The following LRP5 variants were observed in gnomAD, a reference collection of about 807,000 sequenced individuals.
LRP5 encodes the protein LDL receptor related protein 5.
In LRP5, 62 loss-of-function variants were observed where a neutral mutation model predicts 154.1. That is an observed-to-expected ratio of 0.40 (90% CI 0.33 to 0.50). The LOEUF is 0.50. Ranked by LOEUF, LRP5 falls within the 20% of genes least tolerant of loss-of-function variation. LRP5 has a pLI of 0.55. For synonymous variants in LRP5, 966 were observed against 1,011.5 expected, an observed-to-expected ratio of 0.96 and a Z score of 0.85; for missense variants, 1,915 against 2,336.7, an observed-to-expected ratio of 0.82 and a Z score of 3.72.
intron 5 of LRP5, among the ~76,000 whole-genome samples, chr11:68,380,983 G>A (rs2098639941): frequency 6.6e-6 from 1 of 152,222 alleles, no homozygotes; most frequent in South Asian, 2.1e-4. Context: ...CAGGGTCTTG[G>A]CAGATGTAAT....
chr11:68,447,588 T>G lies in LRP5; in HGVS notation c.4586+1055T>G, dbSNP rs577259093. On this transcript the variant is annotated intron_variant, in intron 22 of 22. Coordinates refer to ENST00000294304, the MANE Select transcript of LRP5 (RefSeq NM_002335.4). This position sits in a 1 kb window ranked among gnomAD's most constrained non-coding sequence, Gnocchi z 4.3. ...TCCACACTGGGCAGCCCAGTCTCGC[T>G]AGTTCCTCGTCCCACCTCCTGCCTT... 3.3e-5 allele frequency among the ~76,000 whole-genome samples: 5 copies of G among 152,312 alleles called. No homozygotes were observed. In the South Asian group the frequency reaches 1.0e-3, roughly 32 times the overall value.
At chr11:68,359,573 G>GGCA (rs2098625976) in intron 3 of LRP5, among the ~76,000 whole-genome samples, 3 of 152,136 alleles carry the variant, frequency 2.0e-5, no homozygotes, top group South Asian at 2.1e-4. Flanking sequence ...TGGCGGTGGC[G>GGCA]GCAGCGAATC....
chr11:68,394,421 G>A (rs938700156), intron 7 of LRP5, among the ~76,000 whole-genome samples: 1 of 152,038 alleles, frequency 6.6e-6, no homozygotes, highest in Non-Finnish European at 1.5e-5. Flanking sequence ...TACACTTGCT[G>A]GGGCCTTCGT....
rs2153173261 is a variant in LRP5 at position 68,423,858 on chromosome 11, C to A, written c.3236+161C>A. Among the ~76,000 whole-genome samples the A allele has an allele frequency of 6.6e-6, 1 of 152,346 alleles. No individual in the cohort carries two copies. Among genetic ancestry groups the A allele is most frequent in the East Asian group, 1.9e-4 (1 of 5,186 alleles). ...AAAGCAAACACAGGCTCTTTCACAG[C>A]CCCTCCAGGAAAGCAGAAAGCCCCA... On this transcript the variant is annotated intron_variant, in intron 14 of 22. Transcript: ENST00000294304. This position sits in a 1 kb window ranked among gnomAD's most constrained non-coding sequence, Gnocchi z 4.7.
intron 1 of LRP5, among the ~76,000 whole-genome samples, chr11:68,324,779 C>T (rs749739873): frequency 8.5e-5 from 13 of 152,308 alleles, no homozygotes; most frequent in South Asian, 2.1e-4. Context: ...TTCCCAGTGT[C>T]GAAGGCCTTC....
chr11:68,381,329 C>T (rs560575340), intron 5 of LRP5, among the ~76,000 whole-genome samples: 135 of 152,288 alleles, frequency 8.9e-4, no homozygotes, highest in Admixed American at 2.5e-3. Flanking sequence ...CGATGTGTCA[C>T]GGGAGCCCTC....
chr11:68,439,146 G>T (rs1225656995), intron 20 of LRP5, among the ~76,000 whole-genome samples: 1 of 152,190 alleles, frequency 6.6e-6, no homozygotes, highest in African/African-American at 2.4e-5. Context: ...GTTTGTAGAT[G>T]GCTGGGCAGC....
chr11:68,403,886 G>A (rs2098654095), intron 8 of LRP5, 187 bp downstream of exon 8: 1 of 642,488 alleles, frequency 1.6e-6, no homozygotes, highest in Non-Finnish European at 2.7e-6. Flanking sequence ...ATTAGGGAGT[G>A]GTTATGGACT....
At chr11:68,360,037 C>T (rs543095063) in intron 3 of LRP5, among the ~76,000 whole-genome samples, 1 of 152,236 alleles carries the variant, frequency 6.6e-6, no homozygotes, top group East Asian at 1.9e-4. Flanking sequence ...GATCCACCCA[C>T]CTGAGCCTCT....
intron 20 of LRP5, among the ~76,000 whole-genome samples, chr11:68,439,564 G>A (rs1407265194): frequency 6.6e-6 from 1 of 152,168 alleles, no homozygotes; most frequent in African/African-American, 2.4e-5. Context: ...GAGGTACCAT[G>A]TGTCTCCCGT....
chr11:68,364,095 T>G, intron 4 of LRP5, 152 bp downstream of exon 4: 1 of 607,148 alleles, frequency 1.6e-6, no homozygotes, highest in Non-Finnish European at 2.7e-6. Context: ...AAGCCCATGC[T>G]CTGGGGGGCC....
rs555868714 is a variant in LRP5, at chr11:68,404,704, C to T, written c.1801+1005C>T. Among the ~76,000 whole-genome samples the T allele has an allele frequency of 5.3e-5, 8 of 152,258 alleles. No individual in the cohort carries two copies. In the South Asian group the frequency reaches 1.7e-3, roughly 32 times the overall value. ...TGCTGGGGCCGGGGCAGTGCAGTGGCTCACATCTGAAATCCCACCACTTTG... is the reference window on the plus strand; with the variant it reads ...TGCTGGGGCCGGGGCAGTGCAGTGGTTCACATCTGAAATCCCACCACTTTG... On this transcript the variant is annotated intron_variant, in intron 8 of 22. Coordinates refer to ENST00000294304, the MANE Select transcript of LRP5 (RefSeq NM_002335.4).
chr11:68,315,279 C>T (rs1306311237), intron 1 of LRP5, among the ~76,000 whole-genome samples: 3 of 152,232 alleles, frequency 2.0e-5, no homozygotes, highest in Admixed American at 2.0e-4. Flanking sequence ...AGTTGTGTGT[C>T]AGCGTCCTCG....
At chr11:68,392,470 C>T (rs2098646863) in intron 7 of LRP5, among the ~76,000 whole-genome samples, 1 of 152,060 alleles carries the variant, frequency 6.6e-6, no homozygotes, top group Non-Finnish European at 1.5e-5. Context: ...TGCCACTGCA[C>T]TCCAATCTGT....
chr11:68,386,806 C>A lies in LRP5; in HGVS notation c.1412+94C>A. On this transcript the variant is annotated intron_variant, in intron 6 of 22. Transcript: ENST00000294304. This position sits in a 1 kb window ranked among gnomAD's most constrained non-coding sequence, Gnocchi z 7.9. The stretch of plus-strand genomic sequence containing the variant: ...TGGACCTGTCATTCTGGGACACTGT[C>A]TTGCATCAGAACCCGGAGGAGGGCT... 1 of 1,399,346 alleles carries A rather than the reference C, an allele frequency of 7.1e-7. No homozygotes were observed. The highest frequency in any genetic ancestry group is 9.6e-7 in the Non-Finnish European group (1 of 1,038,832). 86.7% of individuals were successfully genotyped at this position (1,399,346 alleles called of 1,614,324 possible). A position where few individuals can be genotyped will look rare whatever the true frequency, so the allele number is the denominator to read the frequency against.
chr11:68,435,948 A>G (rs1211663434), intron 18 of LRP5, among the ~76,000 whole-genome samples: 7 of 150,968 alleles, frequency 4.6e-5, no homozygotes, highest in Non-Finnish European at 8.9e-5. Context: ...CTGGTCTCAA[A>G]CTCCTGGCCT....
chr11:68,311,986 C>CA (rs898328196), upstream of LRP5, among the ~76,000 whole-genome samples: 3 of 152,226 alleles, frequency 2.0e-5, no homozygotes, highest in Non-Finnish European at 4.4e-5. Flanking sequence ...TTGAAGGACT[C>CA]AAAGGTGGCG....
At chr11:68,443,735 T>A (rs1248721221) in intron 21 of LRP5, among the ~76,000 whole-genome samples, 1 of 150,332 alleles carries the variant, frequency 6.7e-6, no homozygotes, top group African/African-American at 2.4e-5. Flanking sequence ...CTCAGCTCAC[T>A]GTAACCTCCG....
intron 18 of LRP5, among the ~76,000 whole-genome samples, chr11:68,434,760 G>A (rs897291610): frequency 2.1e-5 from 3 of 140,370 alleles, no homozygotes; most frequent in Non-Finnish European, 5.0e-5. Flanking sequence ...GACTGCTGAG[G>A]AGCTGTTGAT....
Sources: gnomAD v4.1 joint callset for allele counts (sites outside exome capture counted in the v4.1 genomes callset) on GRCh38, gnomAD v4.1.1 for gene constraint, Gnocchi (gnomAD v3.1) non-coding constraint, MANE v1.5 for transcripts, NCBI Gene and HGNC (gene_info 2026-07-23, HGNC 2026-07-21) for gene names.